CYP7B1: variants seen among roughly 807,000 people sequenced by gnomAD.
CYP7B1 encodes cytochrome P450 family 7 subfamily B member 1.
Under a neutral mutation model 42.7 loss-of-function variants are expected in CYP7B1, and 29 were observed. That is an observed-to-expected ratio of 0.68 (90% confidence interval 0.51 to 0.93). CYP7B1 has a LOEUF of 0.93. Among genes scored for constraint, CYP7B1 ranks in the 40% least tolerant of loss-of-function variants. The pLI is 0.00. For synonymous variants in CYP7B1, 235 were observed against 218.2 expected, an observed-to-expected ratio of 1.08 and a Z score of -0.68; for missense variants, 655 against 600.5, an observed-to-expected ratio of 1.09 and a Z score of -0.95.
At chr8:64,639,853 A>T (rs1334602128) in intron 1 of CYP7B1, among the ~76,000 whole-genome samples, 1 of 152,162 alleles carries the variant, frequency 6.6e-6, no homozygotes. Flanking sequence ...AAATTTAGAA[A>T]TAATTCATAT....
intron 1 of CYP7B1, among the ~76,000 whole-genome samples, chr8:64,743,344 G>C (rs1040912431): frequency 6.6e-6 from 1 of 152,078 alleles, no homozygotes. Context: ...TGCAAGAAAA[G>C]AATTACCAAA....
At chr8:64,795,381 T>G (rs894708877) in intron 1 of CYP7B1, among the ~76,000 whole-genome samples, 2 of 152,238 alleles carry the variant, frequency 1.3e-5, no homozygotes, top group African/African-American at 4.8e-5. Context: ...GGCCCTCCTC[T>G]TCTCCATCAA....
At chr8:64,786,614 T>C (rs748344898) in intron 1 of CYP7B1, among the ~76,000 whole-genome samples, 4 of 152,192 alleles carry the variant, frequency 2.6e-5, no homozygotes, top group Non-Finnish European at 5.9e-5. Context: ...TGGGCTGGCA[T>C]TGAGTGTCTG....
intron 1 of CYP7B1, among the ~76,000 whole-genome samples, chr8:64,717,340 G>C (rs368890329): frequency 9.2e-5 from 14 of 152,310 alleles, no homozygotes; most frequent in African/African-American, 3.1e-4. Flanking sequence ...CATTTTGGTT[G>C]AACATTTCAG....
At chr8:64,798,097 A>G (rs1316813894) in intron 1 of CYP7B1, among the ~76,000 whole-genome samples, 2 of 152,238 alleles carry the variant, frequency 1.3e-5, no homozygotes, top group Non-Finnish European at 2.9e-5. Flanking sequence ...CTTTTAACTG[A>G]TGAAATTTAA....
At position 64,627,295 on chromosome 8, in the gene CYP7B1, T is replaced by A. The variant is rs1428052400; in HGVS notation, c.123-2756A>T. ...CCAAAAAAACCATTAATACAGTTAATTCCATATCCAAAGATTGAACAAGAG... is the reference window on the plus strand; with the variant it reads ...CCAAAAAAACCATTAATACAGTTAAATCCATATCCAAAGATTGAACAAGAG... On this transcript the variant is annotated intron_variant, in intron 1 of 5. Coordinates refer to ENST00000310193, the MANE Select transcript of CYP7B1 (RefSeq NM_004820.5). Among the ~76,000 whole-genome samples, 3 of 152,208 alleles carry A rather than the reference T, an allele frequency of 2.0e-5. No homozygotes were observed. In the East Asian group the frequency reaches 5.8e-4, roughly 29 times the overall value.
chr8:64,655,687 T>C (rs1484731502), intron 1 of CYP7B1, among the ~76,000 whole-genome samples: 1 of 152,208 alleles, frequency 6.6e-6, no homozygotes, highest in Non-Finnish European at 1.5e-5. Context: ...ATATAAACTA[T>C]TTCTACCATA....
intron 1 of CYP7B1, among the ~76,000 whole-genome samples, chr8:64,663,807 C>T (rs1305297487): frequency 2.0e-5 from 3 of 152,174 alleles, no homozygotes; most frequent in Admixed American, 2.0e-4. Context: ...TCATTTCTGT[C>T]CACTCTCATC....
At chr8:64,771,949 TC>T (rs138445552) in intron 1 of CYP7B1, among the ~76,000 whole-genome samples, 1 of 152,324 alleles carries the variant, frequency 6.6e-6, no homozygotes, top group African/African-American at 2.4e-5. Context: ...TATTCCCTAC[TC>T]CATTCACTCA....
At chr8:64,651,839 A>G (rs1471458953) in intron 1 of CYP7B1, among the ~76,000 whole-genome samples, 1 of 152,238 alleles carries the variant, frequency 6.6e-6, no homozygotes, top group Non-Finnish European at 1.5e-5. Context: ...TTTGTGGCTT[A>G]TAAGTCACCC....
chr8:64,737,327 T>C (rs1024370030), intron 1 of CYP7B1, among the ~76,000 whole-genome samples: 2 of 152,218 alleles, frequency 1.3e-5, no homozygotes, highest in African/African-American at 4.8e-5. Flanking sequence ...GTTTTGTTTT[T>C]CTTTTTAATG....
chr8:64,762,922 G>A (rs1394097715), intron 1 of CYP7B1, among the ~76,000 whole-genome samples: 1 of 152,180 alleles, frequency 6.6e-6, no homozygotes, highest in East Asian at 1.9e-4. Context: ...AAAAATCTAA[G>A]ACAGAGAAGG....
chr8:64,761,353 T>C (rs1316908697), intron 1 of CYP7B1, among the ~76,000 whole-genome samples: 1 of 152,206 alleles, frequency 6.6e-6, no homozygotes, highest in South Asian at 2.1e-4. Context: ...CTGCAAAAAA[T>C]TGTTAACGTG....
chr8:64,768,223 A>G lies in CYP7B1; in HGVS notation c.122+30243T>C, dbSNP rs989009095. On this transcript the variant is annotated intron_variant, in intron 1 of 5. Transcript: ENST00000310193. ...GGAGGTAAAGAAATACTCAAATCAT[A>G]TATCACCTGAGAGCACAGGGGGAGG... 2.6e-5 allele frequency among the ~76,000 whole-genome samples: 4 copies of G among 152,278 alleles called. No individual in the cohort carries two copies. The South Asian group carries it at 8.3e-4, about 32-fold the overall frequency.
intron 1 of CYP7B1, among the ~76,000 whole-genome samples, chr8:64,765,163 A>C (rs573473652): frequency 2.0e-5 from 3 of 152,212 alleles, no homozygotes; most frequent in African/African-American, 7.2e-5. Flanking sequence ...AATTTGGACT[A>C]AACAAGGTCT....
intron 1 of CYP7B1, among the ~76,000 whole-genome samples, chr8:64,742,737 C>T (rs1428733556): frequency 6.6e-6 from 1 of 152,080 alleles, no homozygotes; most frequent in Non-Finnish European, 1.5e-5. Flanking sequence ...GGCACACATC[C>T]CTTGTGCTTC....
chr8:64,749,716 T>C (rs1252589170), intron 1 of CYP7B1, among the ~76,000 whole-genome samples: 2 of 152,112 alleles, frequency 1.3e-5, no homozygotes, highest in Non-Finnish European at 2.9e-5. Context: ...TGTATACGAG[T>C]TTGTTTCCTG....
chr8:64,641,288 T>G (rs1805852311), intron 1 of CYP7B1, among the ~76,000 whole-genome samples: 1 of 152,194 alleles, frequency 6.6e-6, no homozygotes. Flanking sequence ...TCTCTAGAAT[T>G]GACTTACATC....
intron 1 of CYP7B1, among the ~76,000 whole-genome samples, chr8:64,684,830 C>A (rs928803094): frequency 6.6e-6 from 1 of 152,162 alleles, no homozygotes; most frequent in South Asian, 2.1e-4. Flanking sequence ...CATGAAAAGG[C>A]GCTTGACATC....
Sources: gnomAD v4.1 joint callset for allele counts (sites outside exome capture counted in the v4.1 genomes callset) on GRCh38, gnomAD v4.1.1 for gene constraint, MANE v1.5 for transcripts, NCBI Gene and HGNC (gene_info 2026-07-23, HGNC 2026-07-21) for gene names.